The following FAAH2 variants were observed in gnomAD, a reference collection of about 807,000 sequenced individuals.
FAAH2 encodes fatty-acid amide hydrolase 2.
In FAAH2, 60 loss-of-function variants were observed where a neutral mutation model predicts 36.9. The ratio of observed to expected loss-of-function variants is 1.63; its 90% CI spans 1.32 to 2.02. FAAH2 has a LOEUF of 2.02. Ranked by LOEUF, FAAH2 falls within the 30% of genes most tolerant of loss-of-function variation. The pLI, the probability that FAAH2 is intolerant of heterozygous loss-of-function variation, is 0.00. For synonymous variants in FAAH2, 214 were observed against 143.8 expected (o/e 1.49, Z -3.49); for missense variants, 689 against 397.5 (o/e 1.73, Z -6.23).
the FAAH2 span, among the ~76,000 whole-genome samples, chrX:57,237,162 C>T: frequency 9.0e-6 from 1 of 111,129 alleles, no homozygotes; most frequent in African/African-American, 3.3e-5. Flanking sequence ...AAATATGTGA[C>T]CATAAGTGTG....
intron 3 of FAAH2, among the ~76,000 whole-genome samples, chrX:57,314,237 G>T (rs1420797588): frequency 9.0e-6 from 1 of 111,485 alleles, no homozygotes; most frequent in East Asian, 2.8e-4. Context: ...CAGATTCACA[G>T]AAAAAATCTT....
intron 2 of FAAH2, among the ~76,000 whole-genome samples, chrX:57,304,972 C>G (rs1227909959): frequency 1.8e-5 from 2 of 111,633 alleles, no homozygotes; most frequent in African/African-American, 6.5e-5. Context: ...CTACCTTTGG[C>G]TTCTAGACAG....
chrX:57,375,739 C>T (rs1453517940), intron 5 of FAAH2, among the ~76,000 whole-genome samples: 1 of 111,109 alleles, frequency 9.0e-6, no homozygotes, highest in East Asian at 2.8e-4. Context: ...ATATTTGGCC[C>T]TTTTTTAATT....
chrX:57,358,582 G>T lies in FAAH2; in HGVS notation c.742+17192G>T, dbSNP rs779249702. 1.5e-3 allele frequency among the ~76,000 whole-genome samples: 163 copies of T among 111,324 alleles called. 1 individual carries two copies. The highest frequency in any genetic ancestry group is 4.7e-3 in the Middle Eastern group (1 of 215). On this transcript the variant is annotated intron_variant, in intron 5 of 10. Transcript: ENST00000374900. ...GTATGTGTGTGTGTGTATATATATAGAGAGAGAGTTTCTCAACCTGTTCAT... is the reference window on the plus strand; with the variant it reads ...GTATGTGTGTGTGTGTATATATATATAGAGAGAGTTTCTCAACCTGTTCAT...
chrX:57,477,956 C>T (rs758909791), intron 10 of FAAH2, among the ~76,000 whole-genome samples: 7 of 111,819 alleles, frequency 6.3e-5, no homozygotes, highest in South Asian at 7.5e-4. Context: ...CATACATGTG[C>T]GTGTGTCTTT....
the FAAH2 span, among the ~76,000 whole-genome samples, chrX:57,206,850 T>C: frequency 8.9e-6 from 1 of 112,136 alleles, no homozygotes; most frequent in Non-Finnish European, 1.9e-5. Context: ...ACCTGATTTT[T>C]TCTTAATTAC....
chrX:57,216,274 T>G, the FAAH2 span, among the ~76,000 whole-genome samples: 1 of 105,163 alleles, frequency 9.5e-6, no homozygotes, highest in African/African-American at 3.4e-5. Context: ...CTTTTGCCCC[T>G]CTCCCATGCT....
chrX:57,346,583 T>A (rs1281016080), intron 5 of FAAH2, among the ~76,000 whole-genome samples: 1 of 111,914 alleles, frequency 8.9e-6, no homozygotes, highest in Non-Finnish European at 1.9e-5. Flanking sequence ...ACCATTTACA[T>A]TCAGGGTCAG....
intron 5 of FAAH2, among the ~76,000 whole-genome samples, chrX:57,377,175 C>T (rs2054704882): frequency 8.9e-6 from 1 of 112,142 alleles, no homozygotes; most frequent in Non-Finnish European, 1.9e-5. Flanking sequence ...TCAATTTTAG[C>T]TTCTGTTGCC....
At chrX:57,261,685 C>T in the FAAH2 span, among the ~76,000 whole-genome samples, 6 of 107,612 alleles carry the variant, frequency 5.6e-5, no homozygotes, top group South Asian at 2.4e-3. Context: ...GTGGAATATA[C>T]GGAACATGAA....
the FAAH2 span, among the ~76,000 whole-genome samples, chrX:57,269,201 A>AAAT: frequency 1.8e-5 from 2 of 111,780 alleles, no homozygotes; most frequent in Admixed American, 1.9e-4. Context: ...TGCACCCAAC[A>AAAT]CAGGAGCATC....
At chrX:57,210,038 C>A in the FAAH2 span, among the ~76,000 whole-genome samples, 8 of 110,471 alleles carry the variant, frequency 7.2e-5, no homozygotes, top group Admixed American at 2.9e-4. Flanking sequence ...GCTGCCCCTG[C>A]CAGGGGTGAG....
intron 3 of FAAH2, among the ~76,000 whole-genome samples, chrX:57,327,732 C>A (rs1291428715): frequency 1.8e-5 from 2 of 111,070 alleles, no homozygotes; most frequent in African/African-American, 6.5e-5. Flanking sequence ...TTGTAGTTAG[C>A]CATTCATCTA....
chrX:57,274,453 AAG>A, the FAAH2 span, among the ~76,000 whole-genome samples: 2 of 112,087 alleles, frequency 1.8e-5, no homozygotes, highest in African/African-American at 6.5e-5. Flanking sequence ...ACACAACAAA[AAG>A]AGAAAACTTC....
chrX:57,196,555 C>A, the FAAH2 span, among the ~76,000 whole-genome samples: 1 of 111,503 alleles, frequency 9.0e-6, no homozygotes, highest in Non-Finnish European at 1.9e-5. Flanking sequence ...CCCTTTATTT[C>A]TTTCTCTTGA....
At chrX:57,186,223 C>T in the FAAH2 span, among the ~76,000 whole-genome samples, 1 of 111,802 alleles carries the variant, frequency 8.9e-6, no homozygotes, top group East Asian at 2.8e-4. Context: ...CACATCCTGC[C>T]GGCATCTGTT....
At chrX:57,200,522 G>A in the FAAH2 span, among the ~76,000 whole-genome samples, 5 of 110,095 alleles carry the variant, frequency 4.5e-5, no homozygotes, top group Non-Finnish European at 7.6e-5. Context: ...GGAATTACAG[G>A]CATGTACCAC....
At chrX:57,230,819 C>A in the FAAH2 span, among the ~76,000 whole-genome samples, 23,211 of 110,718 alleles carry the variant, frequency 0.21, 2,267 homozygotes, top group Middle Eastern at 0.54. Context: ...ACATACTAAG[C>A]ATAATTATTT....
At chrX:57,329,387 A>G (rs2146991114) in intron 3 of FAAH2, among the ~76,000 whole-genome samples, 1 of 111,219 alleles carries the variant, frequency 9.0e-6, no homozygotes, top group South Asian at 3.8e-4. Flanking sequence ...TGTAGGTGGC[A>G]GTGGCTACTC....
Sources: allele counts gnomAD v4.1 joint callset (sites outside exome capture counted in the v4.1 genomes callset), GRCh38; gene constraint gnomAD v4.1.1; transcripts MANE v1.5; gene names NCBI Gene and HGNC (gene_info 2026-07-23, HGNC 2026-07-21).